The following CCDC27 variants were observed in gnomAD, a reference collection of about 807,000 sequenced individuals.
CCDC27 encodes the protein coiled-coil domain containing 27.
CCDC27 carries 80 observed loss-of-function variants against 80.3 expected under a neutral mutation model. That is an observed-to-expected ratio of 1.00 (90% CI 0.83 to 1.20). CCDC27 has a LOEUF of 1.20. Ranked by LOEUF, CCDC27 falls within the 50% of genes most tolerant of loss-of-function variation. CCDC27 has a pLI of 0.00. For synonymous variants in CCDC27, 342 were observed against 334.3 expected (o/e 1.02, Z -0.25); for missense variants, 815 against 809.4 (o/e 1.01, Z -0.08).
rs185587411 is a variant in CCDC27, at chr1:3,763,684, C to A, written c.1322-22C>A. The A allele has an allele frequency of 5.6e-6, 9 of 1,613,892 alleles. No homozygotes were observed. The highest frequency in any genetic ancestry group is 1.7e-4 in the Middle Eastern group (1 of 6,058). ...CACTGCCCCTGCTTGCTCCTGCTCACCGCCTCTGCCTCTGTGCCCAGGAGT... is the reference window on the plus strand; with the variant it reads ...CACTGCCCCTGCTTGCTCCTGCTCAACGCCTCTGCCTCTGTGCCCAGGAGT... On this transcript the variant is annotated intron_variant, in intron 7 of 11. Coordinates refer to ENST00000294600, the MANE Select transcript of CCDC27 (RefSeq NM_152492.3). This position sits in a 1 kb window ranked among gnomAD's most constrained non-coding sequence, Gnocchi z 7.5.
Position 3,761,932 on chromosome 1 carries a change from ACT to A in CCDC27, c.861+507_861+508del, listed in dbSNP as rs1207395949. Among the ~76,000 whole-genome samples, 1 of 121,420 alleles carries A rather than the reference ACT, an allele frequency of 8.2e-6. No individual in the cohort carries two copies. Among genetic ancestry groups the A allele is most frequent in the Admixed American group, 1.0e-4 (1 of 9,654 alleles). 79.7% of individuals were successfully genotyped at this position (121,420 alleles called of 152,430 possible). On this transcript the variant is annotated intron_variant, in intron 5 of 11. Transcript: ENST00000294600. This position sits in a 1 kb window ranked among gnomAD's most constrained non-coding sequence, Gnocchi z 5.0. ...CCCTGGCCAGGAATCCCTTCTCCCC[ACT>A]CTCTGGCTGTGAAGCCCCCTGCGAG... is the stretch of plus-strand genomic sequence containing the variant.
chr1:3,754,039 G>A lies in CCDC27; in HGVS notation c.319-79G>A, dbSNP rs112947764. On this transcript the variant is annotated intron_variant, in intron 1 of 11. Transcript: ENST00000294600. ...TTGGGGCGATTTGTGATGGTTTAGG[G>A]AAACAGGGTCTGCCCTTGGATGGGC... The A allele has an allele frequency of 1.3e-4, 210 of 1,564,154 alleles. No individual in the cohort carries two copies. The African/African-American group carries it at 2.5e-3, about 19-fold the overall frequency.
rs771833259 is a variant in CCDC27, at chr1:3,752,718, G to A, written c.237G>A (p.Arg79=). The change falls in exon 1 of 12, where the codon CGG becomes CGA. Residue 79 remains arginine (R), a synonymous_variant. Coordinates refer to ENST00000294600, the MANE Select transcript of CCDC27 (RefSeq NM_152492.3). ...AGAGCATGGCCAGCCGGGACGCCCG[G>A]TGCCCAGAATGGAAACCGCACCAAA... ...LLQSMASRDA[R]CPEWKPHQKP... is the part of the protein sequence containing the mutation. 5.0e-6 allele frequency: 8 copies of A among 1,613,884 alleles called. No homozygotes were observed. The East Asian group carries it at 1.8e-4, about 36-fold the overall frequency.
chr1:3,755,354 T>G (rs1462838406), intron 2 of CCDC27, 103 bp from the exon 3 acceptor site: 5 of 973,528 alleles, frequency 5.1e-6, no homozygotes, highest in Admixed American at 1.8e-5. Flanking sequence ...AAAAGCCACC[T>G]GTGTCCCTAC....
chr1:3,764,130 A>T (rs1165777236), intron 8 of CCDC27, among the ~76,000 whole-genome samples: 1 of 152,180 alleles, frequency 6.6e-6, no homozygotes, highest in African/African-American at 2.4e-5. Context: ...CTCCTCAAGC[A>T]TCTCCTGGCC....
Position 3,756,790 on chromosome 1 carries a change from G to GA in CCDC27, c.615dup (p.Ser206IlefsTer38), listed in dbSNP as rs766084024. 1.9e-5 allele frequency: 30 copies of GA among 1,613,976 alleles called. No individual in the cohort carries two copies. In the East Asian group the frequency reaches 6.7e-4, roughly 36 times the overall value. On this transcript the variant is annotated frameshift_variant, in exon 4 of 12. Coordinates refer to ENST00000294600, the MANE Select transcript of CCDC27 (RefSeq NM_152492.3). LOFTEE classifies it high-confidence loss of function. ...GAGTTCGATTACTTGCGGAAGAGGA[G>GA]AAAATCCCAGACTTTGAGTCCGGTC...
intron 11 of CCDC27, among the ~76,000 whole-genome samples, chr1:3,770,567 G>A (rs1643335277): frequency 6.6e-6 from 1 of 152,234 alleles, no homozygotes; most frequent in Non-Finnish European, 1.5e-5. Flanking sequence ...GTGTGGGGCT[G>A]TGTACTACGA....
At chr1:3,752,857 T>TC (rs1188505088) in intron 1 of CCDC27, 58 bp downstream of exon 1, 2 of 1,533,476 alleles carry the variant, frequency 1.3e-6, no homozygotes, top group African/African-American at 2.7e-5. Context: ...TTTCTTCTCC[T>TC]CCCCAAAGGC....
chr1:3,761,018 C>A lies in CCDC27; in HGVS notation c.712-263C>A, dbSNP rs886884644. Among the ~76,000 whole-genome samples the A allele has an allele frequency of 6.6e-6, 1 of 152,132 alleles. No individual in the cohort carries two copies. The highest frequency in any genetic ancestry group is 1.5e-5 in the Non-Finnish European group (1 of 68,018). On this transcript the variant is annotated intron_variant, in intron 4 of 11. Transcript: ENST00000294600. The surrounding 1 kb of genome is among the most constrained non-coding windows in gnomAD (Gnocchi z 5.0). Reference sequence around the variant, plus strand: ...GGAAGCTGCCTTGCAACTCCTCGGACGAGGATTTAGGATCTGTTCTTAGGA... The same window carrying A: ...GGAAGCTGCCTTGCAACTCCTCGGAAGAGGATTTAGGATCTGTTCTTAGGA...
At chr1:3,762,837 T>A (rs1355728622) in intron 6 of CCDC27, 125 bp downstream of exon 6, 1 of 948,706 alleles carries the variant, frequency 1.1e-6, no homozygotes, top group African/African-American at 1.7e-5. Context: ...GGTGCCCCAC[T>A]CCAGGGGAGC....
chr1:3,764,616 A>C (rs931226543), intron 8 of CCDC27, among the ~76,000 whole-genome samples: 2 of 152,210 alleles, frequency 1.3e-5, no homozygotes, highest in Non-Finnish European at 2.9e-5. Flanking sequence ...TAAATAAAAT[A>C]AGTTTTACAG....
chr1:3,766,033 C>T lies in CCDC27; in HGVS notation c.1453-502C>T, dbSNP rs1340951839. Among the ~76,000 whole-genome samples the T allele has an allele frequency of 6.6e-6, 1 of 152,108 alleles. No individual in the cohort carries two copies. The highest frequency in any genetic ancestry group is 1.5e-5 in the Non-Finnish European group (1 of 68,028). ...CACAGGTGCACACCACCACACCCAA[C>T]CAATGTTCTTATTTTTTGTAGAGAT... On this transcript the variant is annotated intron_variant, in intron 8 of 11. Coordinates refer to ENST00000294600, the MANE Select transcript of CCDC27 (RefSeq NM_152492.3). The surrounding 1 kb of genome is among the most constrained non-coding windows in gnomAD (Gnocchi z 6.1).
intron 4 of CCDC27, among the ~76,000 whole-genome samples, chr1:3,757,366 A>G (rs1374243248): frequency 1.3e-5 from 2 of 152,100 alleles, no homozygotes; most frequent in Non-Finnish European, 2.9e-5. Context: ...ATTAAAATGA[A>G]AGAAAGAAAA....
In CCDC27 at chr1:3,769,179, C is replaced by T. The variant is rs149683942; in HGVS notation, c.1744-604C>T. Among the ~76,000 whole-genome samples, 214 of 152,170 alleles carry T rather than the reference C, an allele frequency of 1.4e-3. No individual in the cohort carries two copies. The highest frequency in any genetic ancestry group is 3.4e-3 in the Middle Eastern group (1 of 294). Reference sequence around the variant, plus strand: ...TTCCTCTGCAGCTTCCTGGGAGGCACGATTAGCTACCTCTGGGGAGGCGGC... The same window carrying T: ...TTCCTCTGCAGCTTCCTGGGAGGCATGATTAGCTACCTCTGGGGAGGCGGC... On this transcript the variant is annotated intron_variant, in intron 10 of 11. Coordinates refer to ENST00000294600, the MANE Select transcript of CCDC27 (RefSeq NM_152492.3). The surrounding 1 kb of genome is among the most constrained non-coding windows in gnomAD (Gnocchi z 4.6).
rs1570695503 is a variant in CCDC27, at chr1:3,752,461, A to C, written c.-21A>C. 1 of 1,611,416 alleles carries C rather than the reference A, an allele frequency of 6.2e-7. No individual in the cohort carries two copies. The highest frequency in any genetic ancestry group is 8.5e-7 in the Non-Finnish European group (1 of 1,178,424). On this transcript the variant is annotated 5_prime_UTR_variant, in exon 1 of 12. Transcript: ENST00000294600. ...GAGCTCTGGAAGCTGATCTCCTCCC[A>C]CTGCACCAGCCAGCAGGTTCATGTT...
rs1409946657 is a variant in CCDC27, at chr1:3,768,118, A to C, written c.1743+673A>C. On this transcript the variant is annotated intron_variant, in intron 10 of 11. Coordinates refer to ENST00000294600, the MANE Select transcript of CCDC27 (RefSeq NM_152492.3). This position sits in a 1 kb window ranked among gnomAD's most constrained non-coding sequence, Gnocchi z 5.6. Reference sequence around the variant, plus strand: ...TTTTTTTTTTTTTTTTTTCTGAGACAGGGTCTTTCTCTGTCATCCAGTCTG... The same window carrying C: ...TTTTTTTTTTTTTTTTTTCTGAGACCGGGTCTTTCTCTGTCATCCAGTCTG... Among the ~76,000 whole-genome samples the C allele has an allele frequency of 7.3e-6, 1 of 136,510 alleles. No individual in the cohort carries two copies. Among genetic ancestry groups the C allele is most frequent in the Non-Finnish European group, 1.5e-5 (1 of 65,042 alleles). The allele number at this position is 136,510 out of a possible 152,430, so 89.6% of individuals were successfully genotyped here.
chr1:3,752,461 A>G lies in CCDC27; in HGVS notation c.-21A>G. 1 of 1,611,416 alleles carries G rather than the reference A, an allele frequency of 6.2e-7. No individual in the cohort carries two copies. The highest frequency in any genetic ancestry group is 8.5e-7 in the Non-Finnish European group (1 of 1,178,424). On this transcript the variant is annotated 5_prime_UTR_variant, in exon 1 of 12. Coordinates refer to ENST00000294600, the MANE Select transcript of CCDC27 (RefSeq NM_152492.3). ...GAGCTCTGGAAGCTGATCTCCTCCC[A>G]CTGCACCAGCCAGCAGGTTCATGTT...
Position 3,769,672 on chromosome 1 carries a change from G to A in CCDC27, c.1744-111G>A. On this transcript the variant is annotated intron_variant, in intron 10 of 11. Coordinates refer to ENST00000294600, the MANE Select transcript of CCDC27 (RefSeq NM_152492.3). The surrounding 1 kb of genome is among the most constrained non-coding windows in gnomAD (Gnocchi z 4.6). ...GTTTCTAAAGCCATGAAAAGTGAGG[G>A]TGAGCTGTTCCTTCCTGGTACATAA... 1.3e-6 allele frequency: 1 copy of A among 741,840 alleles called. No individual in the cohort carries two copies. Among genetic ancestry groups the A allele is most frequent in the Non-Finnish European group, 2.5e-6 (1 of 407,346 alleles). 46.0% of individuals were successfully genotyped at this position (741,840 alleles called of 1,614,324 possible).
At chr1:3,767,103 T>C (rs1010001860) in intron 9 of CCDC27, 130 bp from the exon 10 acceptor site, 4 of 749,228 alleles carry the variant, frequency 5.3e-6, no homozygotes, top group Non-Finnish European at 9.0e-6. Flanking sequence ...CTTCCCAAAG[T>C]GCTGGGATTA....
Sources: gnomAD v4.1 joint callset for allele counts (sites outside exome capture counted in the v4.1 genomes callset) on GRCh38, gnomAD v4.1.1 for gene constraint, Gnocchi (gnomAD v3.1) non-coding constraint, MANE v1.5 for transcripts, NCBI Gene and HGNC (gene_info 2026-07-23, HGNC 2026-07-21) for gene names.